Variants in TRIM77 observed in about 807,000 individuals in gnomAD.
The protein encoded by TRIM77 is tripartite motif-containing protein 77.
A neutral mutation model predicts 31.8 loss-of-function variants in TRIM77; 23 were observed. The ratio of observed to expected loss-of-function variants is 0.72; its 90% confidence interval spans 0.52 to 1.02. The LOEUF is 1.02. Among genes scored for constraint, TRIM77 ranks in the 50% least tolerant of loss-of-function variants. The pLI is 0.00. For missense variants in TRIM77, 446 were observed against 539.2 expected, an observed-to-expected ratio of 0.83 and a Z score of 1.71; for synonymous variants, 159 against 183.1, an observed-to-expected ratio of 0.87 and a Z score of 1.06.
chr11:89,715,276 C>T, intron 4 of TRIM77, 96 bp downstream of exon 4: 2 of 1,130,134 alleles, frequency 1.8e-6, no homozygotes, highest in South Asian at 1.4e-5. Flanking sequence ...GAATTTCTGT[C>T]TGTATTTATT....
chr11:89,711,322 T>C (rs1478429184), intron 1 of TRIM77, 88 bp from the exon 2 acceptor site: 2 of 646,212 alleles, frequency 3.1e-6, no homozygotes, highest in Non-Finnish European at 5.1e-6. Context: ...CACTCTTTAC[T>C]TGTCCCATGT....
chr11:89,710,332 G>A lies in TRIM77; in HGVS notation c.34G>A (p.Glu12Lys). ...TGCTATCACGCAGTGTTCTACCAGT[G>A]AGCTCACCTGCTCGATCTGCACAGA... ...ASAITQCSTSELTCSICTDYL... is the reference protein window; with the variant it reads ...ASAITQCSTSKLTCSICTDYL... Residue 12 changes from glutamate to lysine, a missense_variant, in exon 1 of 6, where the codon GAG becomes AAG. Physicochemically the swap from Glu to Lys is moderately conservative, Grantham distance 56 (BLOSUM62 1). This residue lies in a region of TRIM77 where 72 missense variants were observed against 64.7 expected (regional missense o/e 1.11). Coordinates refer to ENST00000398290, the MANE Select transcript of TRIM77 (RefSeq NM_001146162.1). 2 of 1,541,996 alleles carry A rather than the reference G, an allele frequency of 1.3e-6. No individual in the cohort carries two copies. Among genetic ancestry groups the A allele is most frequent in the Admixed American group, 2.0e-5 (1 of 50,862 alleles).
chr11:89,717,424 T>C lies in TRIM77; in HGVS notation c.905T>C (p.Leu302Pro). Residue 302 changes from leucine (L) to proline (P), a missense_variant, in exon 6 of 6, where the codon CTG (leucine) becomes CCG (proline). Leu to Pro is a moderately conservative substitution (Grantham distance 98). Coordinates refer to ENST00000398290, the MANE Select transcript of TRIM77 (RefSeq NM_001146162.1). ...AAGATATGCAGTAATCACAAGCTTC[T>C]GTTCGAAGACCTAAGGCATTTGCAG... ...DRKICSNHKL[L>P]FEDLRHLQCS... is the part of the protein sequence containing the mutation. 1.3e-6 allele frequency: 2 copies of C among 1,551,416 alleles called. No individual in the cohort carries two copies. The highest frequency in any genetic ancestry group is 1.7e-6 in the Non-Finnish European group (2 of 1,146,808).
At chr11:89,715,033 C>A (rs1949150507) in intron 3 of TRIM77, 125 bp from the exon 4 acceptor site, 1 of 850,290 alleles carries the variant, frequency 1.2e-6, no homozygotes, top group Non-Finnish European at 1.8e-6. Flanking sequence ...ATGCCTTTAT[C>A]CAAAGAAGGA....
intron 2 of TRIM77, 68 bp from the exon 3 acceptor site, chr11:89,714,124 A>G: frequency 9.8e-7 from 1 of 1,023,482 alleles, no homozygotes; most frequent in South Asian, 1.7e-5. Context: ...GAAACAAAGC[A>G]GAATAGCTGA....
rs1949113555 is a variant in TRIM77 at position 89,710,388 on chromosome 11, T to G, written c.90T>G (p.Cys30Trp). ...DYLTDPVTICCGHRFCSPCLC... is the reference protein window; with the variant it reads ...DYLTDPVTICWGHRFCSPCLC... Reference sequence around the variant, plus strand: ...TGACAGACCCTGTCACCATTTGTTGTGGGCACAGATTTTGTAGTCCCTGTC... The same window carrying G: ...TGACAGACCCTGTCACCATTTGTTGGGGGCACAGATTTTGTAGTCCCTGTC... The change falls in exon 1 of 6, where the codon TGT (cysteine) becomes TGG (tryptophan). Residue 30 changes from cysteine (C) to tryptophan (W), a missense_variant. Physicochemically the swap from Cys to Trp is radical, Grantham distance 215. Coordinates refer to ENST00000398290, the MANE Select transcript of TRIM77 (RefSeq NM_001146162.1). 5 of 1,551,932 alleles carry G rather than the reference T, an allele frequency of 3.2e-6. No homozygotes were observed. Among genetic ancestry groups the G allele is most frequent in the Non-Finnish European group, 4.4e-6 (5 of 1,147,062 alleles).
At chr11:89,712,314 G>A (rs532517456) in intron 2 of TRIM77, among the ~76,000 whole-genome samples, 21 of 152,208 alleles carry the variant, frequency 1.4e-4, no homozygotes, top group African/African-American at 4.8e-4. Flanking sequence ...CTGCATTCTC[G>A]TGAGGGCCTA....
chr11:89,710,568 G>A lies in TRIM77; in HGVS notation c.270G>A (p.Met90Ile). The A allele has an allele frequency of 6.4e-7, 1 of 1,551,734 alleles. No homozygotes were observed. The highest frequency in any genetic ancestry group is 8.7e-7 in the Non-Finnish European group (1 of 1,147,004). The change falls in exon 1 of 6, where the codon ATG becomes ATA. Residue 90 changes from methionine (M) to isoleucine (I), a missense_variant. Physicochemically the swap from Met to Ile is conservative, Grantham distance 10 (BLOSUM62 1). Coordinates refer to ENST00000398290, the MANE Select transcript of TRIM77 (RefSeq NM_001146162.1). ...CCTGCCAGTTATCAAGCTCTGCCAT[G>A]CTGATCTGTAGGAGACACCAGGAAA... ...SVPCQLSSSA[M>I]LICRRHQEIK...
At chr11:89,711,274 A>C (rs541992803) in intron 1 of TRIM77, 136 bp from the exon 2 acceptor site, 1 of 486,522 alleles carries the variant, frequency 2.1e-6, no homozygotes, top group East Asian at 3.5e-5. Context: ...CTTGACAATC[A>C]GTGCCCTTAA....
Position 89,714,372 on chromosome 11 carries a change from T to C in TRIM77, c.688T>C (p.Tyr230His). 2.0e-5 allele frequency: 31 copies of C among 1,551,648 alleles called. No individual in the cohort carries two copies. Among genetic ancestry groups the C allele is most frequent in the Non-Finnish European group, 2.7e-5 (31 of 1,146,966 alleles). ...GATGGGTATACTCCTGAGAGAAATG[T>C]ATGAGAAACTGAAGGAAATGAGCTG... ...AKMGILLREMYEKLKEMSCKA... is the reference protein window; with the variant it reads ...AKMGILLREMHEKLKEMSCKA... Residue 230 changes from tyrosine (Y) to histidine (H), a missense_variant, in exon 3 of 6, where the codon TAT (tyrosine) becomes CAT (histidine). Physicochemically the swap from Tyr to His is moderately conservative, Grantham distance 83. Around this residue, in one of 3 missense-constraint regions of TRIM77, gnomAD observed 366 missense variants for 447.9 expected, o/e 0.82. Coordinates refer to ENST00000398290, the MANE Select transcript of TRIM77 (RefSeq NM_001146162.1).
chr11:89,717,379 T>C lies in TRIM77; in HGVS notation c.860T>C (p.Val287Ala), dbSNP rs1251796167. 5.2e-6 allele frequency: 8 copies of C among 1,540,508 alleles called. No homozygotes were observed. Among genetic ancestry groups the C allele is most frequent in the Admixed American group, 2.0e-5 (1 of 49,836 alleles). The stretch of plus-strand genomic sequence containing the variant: ...CATTCACTGTTTTCTTTTGCCATAG[T>C]GTATATCACCTTGGATCGTAAGATA... ...GVSERLNFFR[V>A]YITLDRKICS... Residue 287 changes from valine to alanine, a missense_variant and splice_region_variant, in exon 6 of 6, where the codon GTG becomes GCG. Val to Ala is a moderately conservative substitution (Grantham distance 64). Transcript: ENST00000398290.
chr11:89,713,455 CAATAATAATAATAATAATAATAAT>C (rs71052248), intron 2 of TRIM77, among the ~76,000 whole-genome samples: 1 of 122,390 alleles, frequency 8.2e-6, no homozygotes, highest in Non-Finnish European at 1.7e-5. Context: ...GACCTTGTCT[CAATAATAATAATAATAATAATAAT>C]AATAATAATA....
At position 89,710,429 on chromosome 11, in the gene TRIM77, A is replaced by C. The variant is rs1949113877; in HGVS notation, c.131A>C (p.Glu44Ala). 1 of 1,551,786 alleles carries C rather than the reference A, an allele frequency of 6.4e-7. No homozygotes were observed. The highest frequency in any genetic ancestry group is 1.2e-5 in the South Asian group (1 of 84,062). The change falls in exon 1 of 6, where the codon GAA (glutamate) becomes GCA (alanine). Residue 44 changes from glutamate to alanine, a missense_variant. Physicochemically the swap from Glu to Ala is moderately radical, Grantham distance 107. Around this residue, in one of 3 missense-constraint regions of TRIM77, gnomAD observed 72 missense variants for 64.7 expected, o/e 1.11. Coordinates refer to ENST00000398290, the MANE Select transcript of TRIM77 (RefSeq NM_001146162.1). ...FCSPCLCLLWEDTLTPNCCPV... is the reference protein window; with the variant it reads ...FCSPCLCLLWADTLTPNCCPV... The stretch of plus-strand genomic sequence containing the variant: ...AGTCCCTGTCTCTGCCTCTTGTGGG[A>C]AGATACACTAACTCCTAATTGCTGC...
Position 89,714,347 on chromosome 11 carries a change from G to A in TRIM77, c.663G>A (p.Lys221=), listed in dbSNP as rs1949146779. 6.4e-7 allele frequency: 1 copy of A among 1,551,626 alleles called. No individual in the cohort carries two copies. Among genetic ancestry groups the A allele is most frequent in the Admixed American group, 2.0e-5 (1 of 50,990 alleles). The change falls in exon 3 of 6, where the codon AAG becomes AAA. Residue 221 remains lysine (K), a synonymous_variant. Coordinates refer to ENST00000398290, the MANE Select transcript of TRIM77 (RefSeq NM_001146162.1). ...AGAGAAGTCAAACTAGAATGGCTAA[G>A]ATGGGTATACTCCTGAGAGAAATGT... ...QLKRSQTRMA[K]MGILLREMYE... is the part of the protein sequence containing the mutation.
intron 2 of TRIM77, 48 bp downstream of exon 2, chr11:89,711,553 G>A: frequency 2.8e-6 from 3 of 1,060,946 alleles, no homozygotes. Context: ...AATAGAAAAT[G>A]TGACTTGTGG....
intron 3 of TRIM77, among the ~76,000 whole-genome samples, chr11:89,714,887 T>G (rs2134546424): frequency 6.6e-6 from 1 of 152,328 alleles, no homozygotes; most frequent in Non-Finnish European, 1.5e-5. Context: ...GTTTGTACAG[T>G]AGAATGTCTT....
intron 3 of TRIM77, 22 bp downstream of exon 3, chr11:89,714,444 G>T (rs748046492): frequency 3.4e-5 from 51 of 1,494,660 alleles, no homozygotes; most frequent in Non-Finnish European, 4.2e-5. Flanking sequence ...AGGAGATCAG[G>T]GTGCTGAACA....
chr11:89,714,118 C>G, intron 2 of TRIM77, 74 bp from the exon 3 acceptor site: 2 of 984,290 alleles, frequency 2.0e-6, no homozygotes, highest in Non-Finnish European at 3.0e-6. Flanking sequence ...AAACATGAAA[C>G]AAAGCAGAAT....
chr11:89,715,960 G>T lies in TRIM77; in HGVS notation c.832G>T (p.Val278Leu), dbSNP rs763387991. 136 of 1,548,014 alleles carry T rather than the reference G, an allele frequency of 8.8e-5. No individual in the cohort carries two copies. Among genetic ancestry groups the T allele is most frequent in the Non-Finnish European group, 1.1e-4 (127 of 1,144,432 alleles). Reference sequence around the variant, plus strand: ...GCTCAGTGCATGGACCATCACTGGGGTGTCAGAAAGGCTTAACTTCTTCAG... The same window carrying T: ...GCTCAGTGCATGGACCATCACTGGGTTGTCAGAAAGGCTTAACTTCTTCAG... ...PQLSAWTITGVSERLNFFRVY... is the reference protein window; with the variant it reads ...PQLSAWTITGLSERLNFFRVY... Residue 278 changes from valine (V) to leucine (L), a missense_variant, in exon 5 of 6, where the codon GTG becomes TTG. This residue lies in a region of TRIM77 where 366 missense variants were observed against 447.9 expected (regional missense o/e 0.82). Transcript: ENST00000398290.
Sources: allele counts gnomAD v4.1 joint callset (sites outside exome capture counted in the v4.1 genomes callset), GRCh38; gene constraint gnomAD v4.1.1; regional missense constraint gnomAD v4.1.1; transcripts MANE v1.5; gene names NCBI Gene and HGNC (gene_info 2026-07-23, HGNC 2026-07-21).